SP4: variants seen among roughly 807,000 people sequenced by gnomAD.
SP4 encodes Sp4 transcription factor.
In SP4, 19 loss-of-function variants were observed where a neutral mutation model predicts 72.8. The ratio of observed to expected loss-of-function variants is 0.26; its 90% confidence interval spans 0.18 to 0.38. SP4 has a LOEUF of 0.38. SP4 is among the 10% of genes least tolerant of loss of function. The pLI, the probability that SP4 is intolerant of heterozygous loss-of-function variation, is 1.00. For missense variants in SP4, 1,008 were observed against 926.3 expected, an observed-to-expected ratio of 1.09 and a Z score of -1.14; for synonymous variants, 395 against 333.1, an observed-to-expected ratio of 1.19 and a Z score of -2.02.
intron 5 of SP4, among the ~76,000 whole-genome samples, chr7:21,492,664 T>G (rs915697249): frequency 6.6e-6 from 1 of 152,104 alleles, no homozygotes; most frequent in African/African-American, 2.4e-5. Context: ...AGACTTAAAA[T>G]CTAATCAAAT....
In SP4 at chr7:21,428,691, G is replaced by A. The variant is rs763690515; in HGVS notation, c.22G>A (p.Glu8Lys). MSDQKKE[E>K]EEEAAAAAAM... ...GTTTGTTGCAGATCAGAAGAAGGAGGAGGAGGAGGAGGCGGCAGCGGCAGC... is the reference window on the plus strand; with the variant it reads ...GTTTGTTGCAGATCAGAAGAAGGAGAAGGAGGAGGAGGCGGCAGCGGCAGC... The change falls in exon 2 of 6, where the codon GAG (glutamate) becomes AAG (lysine). Residue 8 changes from glutamate to lysine, a missense_variant. This residue lies in a region of SP4 where 893 missense variants were observed against 743.3 expected (regional missense o/e 1.20). Transcript: ENST00000222584. The A allele has an allele frequency of 1.3e-6, 2 of 1,551,570 alleles. No homozygotes were observed. Among genetic ancestry groups the A allele is most frequent in the Middle Eastern group, 1.7e-4 (1 of 5,976 alleles).
chr7:21,483,231 T>C (rs948735473), intron 5 of SP4, among the ~76,000 whole-genome samples: 3 of 152,030 alleles, frequency 2.0e-5, no homozygotes, highest in Admixed American at 6.6e-5. Context: ...TTTATGGCTT[T>C]GTTTTTTAAT....
intron 3 of SP4, among the ~76,000 whole-genome samples, chr7:21,449,326 GCCT>G (rs1783519698): frequency 6.6e-6 from 1 of 152,104 alleles, no homozygotes; most frequent in Non-Finnish European, 1.5e-5. Context: ...AGGTTGTGCC[GCCT>G]CCTCTTGGGA....
chr7:21,437,679 A>G (rs1783092464), intron 3 of SP4, among the ~76,000 whole-genome samples: 2 of 152,156 alleles, frequency 1.3e-5, no homozygotes, highest in Admixed American at 6.5e-5. Flanking sequence ...TCTCCTTAAG[A>G]TGGAGGGAAT....
intron 5 of SP4, among the ~76,000 whole-genome samples, chr7:21,509,237 A>G (rs956280348): frequency 5.9e-5 from 9 of 152,106 alleles, no homozygotes; most frequent in Non-Finnish European, 1.2e-4. Context: ...AAAGAAATAA[A>G]TTTTTATTCC....
intron 5 of SP4, among the ~76,000 whole-genome samples, chr7:21,502,905 T>C (rs1333029354): frequency 2.6e-5 from 4 of 152,160 alleles, no homozygotes; most frequent in Non-Finnish European, 1.5e-5. Context: ...CCATGTTTTC[T>C]TTTTAGATTT....
intron 3 of SP4, 29 bp from the exon 4 acceptor site, chr7:21,477,050 C>CA: frequency 6.5e-7 from 1 of 1,545,642 alleles, no homozygotes; most frequent in Admixed American, 1.7e-5. Flanking sequence ...GAAAACATTA[C>CA]AATACTTCTT....
Position 21,429,513 on chromosome 7 carries a change from C to T in SP4, c.348C>T (p.Asn116=). The T allele has an allele frequency of 6.2e-7, 1 of 1,614,122 alleles. No individual in the cohort carries two copies. The highest frequency in any genetic ancestry group is 8.5e-7 in the Non-Finnish European group (1 of 1,179,982). ...CTCCTCCTGCTTCAAAAGAGAATAA[C>T]GTTTCTCAACCAGCCTCTAGTTCGT... ...ASTPPASKEN[N]VSQPASSSSS... The change falls in exon 3 of 6, where the codon AAC becomes AAT. Residue 116 remains asparagine (N), a synonymous_variant. Transcript: ENST00000222584.
At chr7:21,457,044 T>C (rs2128400552) in intron 3 of SP4, among the ~76,000 whole-genome samples, 1 of 152,290 alleles carries the variant, frequency 6.6e-6, no homozygotes, top group South Asian at 2.1e-4. Flanking sequence ...GGCATAGAGG[T>C]ATCTTACCAC....
At chr7:21,447,931 G>A (rs1301891893) in intron 3 of SP4, among the ~76,000 whole-genome samples, 1 of 152,102 alleles carries the variant, frequency 6.6e-6, no homozygotes, top group African/African-American at 2.4e-5. Context: ...TGATCCTCTC[G>A]CTTCGGCCTC....
At chr7:21,503,598 C>G (rs1487548253) in intron 5 of SP4, among the ~76,000 whole-genome samples, 3 of 152,158 alleles carry the variant, frequency 2.0e-5, no homozygotes, top group Admixed American at 2.0e-4. Context: ...CAGTCCAAAG[C>G]TAGGTGAATC....
At chr7:21,503,881 C>G (rs1781928800) in intron 5 of SP4, among the ~76,000 whole-genome samples, 1 of 152,172 alleles carries the variant, frequency 6.6e-6, no homozygotes, top group East Asian at 1.9e-4. Context: ...CCCATAATTC[C>G]TAAGTATTGT....
chr7:21,452,536 G>C (rs910630495), intron 3 of SP4, among the ~76,000 whole-genome samples: 4 of 151,516 alleles, frequency 2.6e-5, no homozygotes, highest in African/African-American at 9.8e-5. Context: ...TTTCCAGAGG[G>C]GCTTTTCTTG....
In SP4 at chr7:21,511,556, A is replaced by G. The variant is rs564168103; in HGVS notation, c.*287A>G. 5 of 298,366 alleles carry G rather than the reference A, an allele frequency of 1.7e-5. No individual in the cohort carries two copies. In the East Asian group the frequency reaches 2.5e-4, roughly 15 times the overall value. The allele number at this position is 298,366 out of a possible 1,614,324, so 18.5% of individuals were successfully genotyped here. On this transcript the variant is annotated 3_prime_UTR_variant, in exon 6 of 6. Coordinates refer to ENST00000222584, the MANE Select transcript of SP4 (RefSeq NM_003112.5). ...ATACAGAATCTTCCCATCTCTTAATATCATGTGTTAACATGTTTAAAAAGA... is the reference window on the plus strand; with the variant it reads ...ATACAGAATCTTCCCATCTCTTAATGTCATGTGTTAACATGTTTAAAAAGA...
intron 5 of SP4, among the ~76,000 whole-genome samples, chr7:21,486,296 A>G (rs1056911358): frequency 1.3e-5 from 2 of 152,082 alleles, no homozygotes; most frequent in Non-Finnish European, 2.9e-5. Context: ...TCATTCACCA[A>G]GCTTCCCTTA....
chr7:21,450,699 C>T (rs2282890), intron 3 of SP4, among the ~76,000 whole-genome samples: 1 of 152,154 alleles, frequency 6.6e-6, no homozygotes, highest in African/African-American at 2.4e-5. Flanking sequence ...GAAGTTAACT[C>T]TCTGCCCAGG....
intron 3 of SP4, among the ~76,000 whole-genome samples, chr7:21,442,994 C>T (rs943028382): frequency 1.3e-5 from 2 of 152,176 alleles, no homozygotes; most frequent in African/African-American, 4.8e-5. Context: ...CCTTGGCCTC[C>T]CAAAGTGCTG....
chr7:21,506,848 T>C (rs1390993188), intron 5 of SP4, among the ~76,000 whole-genome samples: 1 of 152,260 alleles, frequency 6.6e-6, no homozygotes, highest in Non-Finnish European at 1.5e-5. Context: ...CTTTTTCTTG[T>C]TGAATCGTGA....
At chr7:21,504,361 G>A (rs1465726275) in intron 5 of SP4, among the ~76,000 whole-genome samples, 1 of 152,100 alleles carries the variant, frequency 6.6e-6, no homozygotes, top group Non-Finnish European at 1.5e-5. Context: ...TATATATAGT[G>A]CCTTCTTTGG....
Sources: gnomAD v4.1 joint callset for allele counts (sites outside exome capture counted in the v4.1 genomes callset) on GRCh38, gnomAD v4.1.1 for gene constraint, gnomAD v4.1.1 regional missense constraint, MANE v1.5 for transcripts, NCBI Gene and HGNC (gene_info 2026-07-23, HGNC 2026-07-21) for gene names.